The following TTF1 variants were observed in gnomAD, a reference collection of about 807,000 sequenced individuals.
TTF1 encodes transcription termination factor 1, also known as transcription termination factor, RNA polymerase I.
In TTF1, 64 loss-of-function variants were observed where a neutral mutation model predicts 80.2. That is an observed-to-expected ratio of 0.80 (90% confidence interval 0.65 to 0.98). The LOEUF (loss-of-function observed/expected upper bound fraction) is 0.98. TTF1 is among the 50% of genes least tolerant of loss of function. The pLI, the probability that TTF1 is intolerant of heterozygous loss-of-function variation, is 0.00. For synonymous variants in TTF1, 372 were observed against 382.7 expected (o/e 0.97, Z 0.33); for missense variants, 1,023 against 1,086.2 (o/e 0.94, Z 0.82).
intron 9 of TTF1, 146 bp from the exon 10 acceptor site, chr9:132,379,290 A>G (rs1849325024): frequency 2.0e-6 from 1 of 503,504 alleles, no homozygotes; most frequent in Admixed American, 4.1e-5. Context: ...TGATACAAAT[A>G]TGACACAATT....
intron 9 of TTF1, among the ~76,000 whole-genome samples, chr9:132,383,250 CAA>C (rs35384741): frequency 0.48 from 60,603 of 125,518 alleles, 14,650 homozygotes; most frequent in Non-Finnish European, 0.59. Context: ...CTCTTGTCTT[CAA>C]AAAAAAAAAA....
chr9:132,376,176 A>C lies in TTF1; in HGVS notation c.2465-8T>G. ...AAAGGTAGTCGATGATCTCTACAGA[A>C]AAGAAATTTAATTGTGCAGTTATCT... On this transcript the variant is annotated splice_polypyrimidine_tract_variant and splice_region_variant and intron_variant, in intron 10 of 10. Coordinates refer to ENST00000334270, the MANE Select transcript of TTF1 (RefSeq NM_007344.4). 2 of 1,606,342 alleles carry C rather than the reference A, an allele frequency of 1.2e-6. No homozygotes were observed. The highest frequency in any genetic ancestry group is 1.7e-6 in the Non-Finnish European group (2 of 1,178,388).
chr9:132,393,390 C>T (rs1849595080), intron 5 of TTF1, among the ~76,000 whole-genome samples: 2 of 152,210 alleles, frequency 1.3e-5, no homozygotes, highest in Admixed American at 1.3e-4. Context: ...AACACCGGGC[C>T]CACCCAGGGC....
intron 2 of TTF1, among the ~76,000 whole-genome samples, chr9:132,401,136 CCTGA>C (rs1444455253): frequency 4.6e-5 from 7 of 152,166 alleles, no homozygotes; most frequent in African/African-American, 4.8e-5. Flanking sequence ...TCGAGACCAG[CCTGA>C]CTAACAAGGA....
chr9:132,393,922 CT>C (rs141333782), intron 5 of TTF1, among the ~76,000 whole-genome samples: 293 of 145,574 alleles, frequency 2.0e-3, no homozygotes, highest in African/African-American at 4.6e-3. Flanking sequence ...AATACAATTT[CT>C]TTTTTTTTTT....
rs2131612887 is a variant in TTF1 at position 132,376,129 on chromosome 9, A to C, written c.2504T>G (p.Leu835Arg). 6.2e-7 allele frequency: 1 copy of C among 1,613,958 alleles called. No individual in the cohort carries two copies. Among genetic ancestry groups the C allele is most frequent in the Non-Finnish European group, 8.5e-7 (1 of 1,180,020 alleles). ...DYLYETTLPL[L>R]KEKLEKMMEK... ...CATCATTTTTTCTAACTTTTCCTTCAGCAAAGGTAGAGTCGTCTCATAAAG... is the reference window on the plus strand; with the variant it reads ...CATCATTTTTTCTAACTTTTCCTTCCGCAAAGGTAGAGTCGTCTCATAAAG... Residue 835 changes from leucine (L) to arginine (R), a missense_variant, in exon 11 of 11, where the codon CTG becomes CGG. Coordinates refer to ENST00000334270, the MANE Select transcript of TTF1 (RefSeq NM_007344.4).
At chr9:132,395,883 T>A (rs1464358525) in intron 5 of TTF1, among the ~76,000 whole-genome samples, 3 of 152,238 alleles carry the variant, frequency 2.0e-5, no homozygotes, top group Admixed American at 2.0e-4. Flanking sequence ...ACGCTCGGTC[T>A]ACGTTTGGTT....
chr9:132,377,806 GGT>G (rs1403470005), intron 10 of TTF1, among the ~76,000 whole-genome samples: 2 of 119,592 alleles, frequency 1.7e-5, no homozygotes, highest in Non-Finnish European at 3.5e-5. Flanking sequence ...GTGTGCATGT[GGT>G]GTGAGTGCAT....
intron 8 of TTF1, among the ~76,000 whole-genome samples, chr9:132,386,982 G>A (rs948938919): frequency 2.0e-5 from 3 of 152,070 alleles, no homozygotes; most frequent in African/African-American, 7.2e-5. Context: ...TTTTGATACA[G>A]GGTCTCGCTC....
intron 8 of TTF1, among the ~76,000 whole-genome samples, 194 bp from the exon 9 acceptor site, chr9:132,386,815 G>A (rs1008175947): frequency 1.3e-5 from 2 of 152,216 alleles, no homozygotes; most frequent in Non-Finnish European, 2.9e-5. Context: ...GGGCTACAGA[G>A]ATGGGCTGAA....
At chr9:132,404,918 C>A (rs1849836058) in intron 1 of TTF1, among the ~76,000 whole-genome samples, 1 of 151,924 alleles carries the variant, frequency 6.6e-6, no homozygotes, top group Non-Finnish European at 1.5e-5. Flanking sequence ...CGGAGTCTTG[C>A]TCTGTCGCCC....
In TTF1 at chr9:132,388,436, A is replaced by G. The variant is rs570085237; in HGVS notation, c.2223-208T>C. ...ACTGCAACCTCCACCTTCCGGGTTC[A>G]AGCGATTCTCCTGCCTCAGCCTCCC... is the stretch of plus-strand genomic sequence containing the variant. On this transcript the variant is annotated intron_variant, in intron 7 of 10. Coordinates refer to ENST00000334270, the MANE Select transcript of TTF1 (RefSeq NM_007344.4). Among the ~76,000 whole-genome samples the G allele has an allele frequency of 2.2e-3, 330 of 152,004 alleles. 3 individuals are homozygous for G. The highest frequency in any genetic ancestry group is 7.0e-3 in the African/African-American group (292 of 41,442).
intron 9 of TTF1, among the ~76,000 whole-genome samples, chr9:132,382,186 A>G (rs1195460198): frequency 6.6e-6 from 1 of 152,240 alleles, no homozygotes; most frequent in Non-Finnish European, 1.5e-5. Flanking sequence ...GAAGGCTCAC[A>G]GTGAAGGGAA....
intron 10 of TTF1, among the ~76,000 whole-genome samples, chr9:132,378,004 CGT>C (rs1481090536): frequency 1.0e-4 from 3 of 30,006 alleles, no homozygotes; most frequent in Non-Finnish European, 1.8e-4. Context: ...GCATGTGGTG[CGT>C]GTGAATGCAT....
intron 1 of TTF1, among the ~76,000 whole-genome samples, chr9:132,404,385 C>CCTCT (rs760991203): frequency 5.9e-5 from 9 of 151,406 alleles, no homozygotes; most frequent in Admixed American, 5.3e-4. Context: ...ACTGCCACAT[C>CCTCT]CTCTCTCTCT....
At chr9:132,386,181 G>A (rs745495768) in intron 9 of TTF1, among the ~76,000 whole-genome samples, 1 of 152,150 alleles carries the variant, frequency 6.6e-6, no homozygotes, top group Non-Finnish European at 1.5e-5. Context: ...GAAATAGGAG[G>A]GAGGTGGGTG....
At chr9:132,390,336 A>ATTCTTTCT (rs1235883247) in intron 7 of TTF1, among the ~76,000 whole-genome samples, 4 of 152,248 alleles carry the variant, frequency 2.6e-5, no homozygotes, top group Non-Finnish European at 5.9e-5. Flanking sequence ...AGACTTAGAA[A>ATTCTTTCT]GAGTGAAGAA....
chr9:132,401,413 G>C, intron 2 of TTF1, 42 bp downstream of exon 2: 1 of 1,550,248 alleles, frequency 6.5e-7, no homozygotes, highest in Non-Finnish European at 8.7e-7. Context: ...GAATCCATAC[G>C]AAAGAAATAT....
rs1456384604 is a variant in TTF1, at chr9:132,401,767, C to G, written c.1055G>C (p.Ser352Thr). 7.4e-6 allele frequency: 12 copies of G among 1,614,014 alleles called. No individual in the cohort carries two copies. The East Asian group carries it at 2.7e-4, about 36-fold the overall frequency. The change falls in exon 2 of 11, where the codon AGC (serine) becomes ACC (threonine). Residue 352 changes from serine (S) to threonine (T), a missense_variant. Physicochemically the swap from Ser to Thr is moderately conservative, Grantham distance 58. Transcript: ENST00000334270. ...TCCTTCAGGGTATGCACTCTCGAGGCTCTCAGGCATGGCCACTGCCTCAAA... is the reference window on the plus strand; with the variant it reads ...TCCTTCAGGGTATGCACTCTCGAGGGTCTCAGGCATGGCCACTGCCTCAAA... Reference protein sequence around the residue: ...QEFEAVAMPESLESAYPEGSQ... With the variant: ...QEFEAVAMPETLESAYPEGSQ...
Sources: allele counts gnomAD v4.1 joint callset (sites outside exome capture counted in the v4.1 genomes callset), GRCh38; gene constraint gnomAD v4.1.1; transcripts MANE v1.5; gene names NCBI Gene and HGNC (gene_info 2026-07-23, HGNC 2026-07-21).